Variants in ATG10 observed in about 807,000 individuals in gnomAD.
The protein encoded by ATG10 is ubiquitin-like-conjugating enzyme ATG10.
In ATG10, 30 loss-of-function variants were observed where a neutral mutation model predicts 32.1. That is an observed-to-expected ratio of 0.94 (90% CI 0.70 to 1.27). The LOEUF (loss-of-function observed/expected upper bound fraction) is 1.27, where lower values mean the gene tolerates loss of function less well. ATG10 is among the 50% of genes most tolerant of loss of function. ATG10 has a pLI of 0.00. For missense variants in ATG10, 233 were observed against 262.3 expected (o/e 0.89, Z 0.77); for synonymous variants, 87 against 91.5 (o/e 0.95, Z 0.28).
chr5:82,193,622 G>A (rs1358944933), intron 5 of ATG10, among the ~76,000 whole-genome samples: 1 of 152,134 alleles, frequency 6.6e-6, no homozygotes, highest in Non-Finnish European at 1.5e-5. Flanking sequence ...GTCTTCATGC[G>A]ATCAAATTAA....
rs1029709369 is a variant in ATG10 at position 82,253,622 on chromosome 5, C to T, written c.*4+193C>T. ...GATCCCCAAATCCCAGGCCATGGAC[C>T]GGAACCAGGCCTCACAGCAGGAGGT... On this transcript the variant is annotated intron_variant, in intron 7 of 7. Coordinates refer to ENST00000282185, the MANE Select transcript of ATG10 (RefSeq NM_031482.5). 1.4e-4 allele frequency among the ~76,000 whole-genome samples: 21 copies of T among 152,290 alleles called. 1 individual carries two copies. Among genetic ancestry groups the T allele is most frequent in the African/African-American group, 3.8e-4 (16 of 41,568 alleles).
chr5:82,164,967 A>G (rs916130038), intron 4 of ATG10, among the ~76,000 whole-genome samples: 1 of 152,258 alleles, frequency 6.6e-6, no homozygotes, highest in Non-Finnish European at 1.5e-5. Flanking sequence ...ATGTTTATCA[A>G]TTAGCTTAAG....
chr5:82,098,592 G>C (rs1016884538), intron 3 of ATG10, among the ~76,000 whole-genome samples: 19 of 152,190 alleles, frequency 1.2e-4, no homozygotes, highest in Non-Finnish European at 1.6e-4. Flanking sequence ...TTACAGGCGT[G>C]AGCCACTGTG....
intron 3 of ATG10, among the ~76,000 whole-genome samples, chr5:82,107,340 G>A (rs1448898915): frequency 6.6e-6 from 1 of 151,998 alleles, no homozygotes; most frequent in African/African-American, 2.4e-5. Flanking sequence ...TTACATGTAG[G>A]ATTATTTCCA....
chr5:82,163,941 T>G (rs1743470875), intron 3 of ATG10, among the ~76,000 whole-genome samples: 1 of 152,180 alleles, frequency 6.6e-6, no homozygotes, highest in African/African-American at 2.4e-5. Flanking sequence ...AAAATGGAAC[T>G]GGGAATTGTT....
intron 5 of ATG10, among the ~76,000 whole-genome samples, chr5:82,189,868 A>G (rs1402174199): frequency 6.6e-6 from 1 of 152,096 alleles, no homozygotes; most frequent in Non-Finnish European, 1.5e-5. Flanking sequence ...CAAATGTTCC[A>G]TCTGCCTTGG....
At chr5:82,098,421 C>G (rs962633053) in intron 3 of ATG10, among the ~76,000 whole-genome samples, 2 of 148,614 alleles carry the variant, frequency 1.3e-5, no homozygotes, top group Non-Finnish European at 3.0e-5. Flanking sequence ...AAGCAGTTCT[C>G]TGCCTCAGCC....
rs1279649290 is a variant in ATG10 at position 82,009,900 on chromosome 5, C to T, written c.108+22222C>T. On this transcript the variant is annotated intron_variant, in intron 2 of 7. Coordinates refer to ENST00000282185, the MANE Select transcript of ATG10 (RefSeq NM_031482.5). ...AGTGCCATTATGGCGTGTGAAGTCA[C>T]CACCCTGACACATAAACCCTGGAAT... The T allele has an allele frequency of 3.7e-6, 6 of 1,610,484 alleles. No individual in the cohort carries two copies. In the East Asian group the frequency reaches 8.9e-5, roughly 24 times the overall value.
chr5:82,240,369 A>G (rs906565629), intron 5 of ATG10, among the ~76,000 whole-genome samples: 3 of 152,274 alleles, frequency 2.0e-5, no homozygotes, highest in East Asian at 1.9e-4. Flanking sequence ...TTGCAATAAC[A>G]TGGATGGAAC....
At chr5:81,981,715 C>T (rs73766480) in intron 1 of ATG10, among the ~76,000 whole-genome samples, 9,986 of 152,130 alleles carry the variant, frequency 0.066, 1,096 homozygotes, top group African/African-American at 0.23. Flanking sequence ...GTGTTTTAGT[C>T]CTATTATGAC....
chr5:82,218,111 A>C (rs941375431), intron 5 of ATG10, among the ~76,000 whole-genome samples: 3 of 151,298 alleles, frequency 2.0e-5, no homozygotes, highest in African/African-American at 7.3e-5. Flanking sequence ...AATTATTTTA[A>C]CCTATCAGTT....
intron 5 of ATG10, among the ~76,000 whole-genome samples, chr5:82,229,859 T>C (rs1303270202): frequency 6.6e-6 from 1 of 152,124 alleles, no homozygotes; most frequent in African/African-American, 2.4e-5. Context: ...CTGGAACCAT[T>C]CCCTGTGAAT....
chr5:82,139,131 C>A (rs1190959672), intron 3 of ATG10, among the ~76,000 whole-genome samples: 1 of 145,470 alleles, frequency 6.9e-6, no homozygotes, highest in African/African-American at 2.6e-5. Flanking sequence ...GACGGAGTCT[C>A]GTTCACTCAG....
At chr5:82,031,079 A>AT (rs1251062461) in intron 2 of ATG10, among the ~76,000 whole-genome samples, 3 of 151,878 alleles carry the variant, frequency 2.0e-5, no homozygotes, top group Non-Finnish European at 4.4e-5. Context: ...TTTTATTTTT[A>AT]TTTTTTGAGA....
chr5:82,046,981 GTT>G (rs74617859), intron 2 of ATG10, among the ~76,000 whole-genome samples: 3 of 137,930 alleles, frequency 2.2e-5, no homozygotes, highest in Non-Finnish European at 1.6e-5. Context: ...GGTCATCTGT[GTT>G]TTTTTTTTTT....
chr5:82,204,235 T>C (rs1214445696), intron 5 of ATG10, among the ~76,000 whole-genome samples: 1 of 152,182 alleles, frequency 6.6e-6, no homozygotes, highest in Non-Finnish European at 1.5e-5. Context: ...TTTAACCTCA[T>C]ATTTTGCTTT....
chr5:82,156,504 T>G (rs1328334393), intron 3 of ATG10, among the ~76,000 whole-genome samples: 2 of 152,146 alleles, frequency 1.3e-5, no homozygotes, highest in African/African-American at 4.8e-5. Context: ...AGGCTTAGTT[T>G]TGTGCCCTGG....
At chr5:82,053,457 G>A (rs1383896188) in intron 2 of ATG10, among the ~76,000 whole-genome samples, 1 of 18,776 alleles carries the variant, frequency 5.3e-5, no homozygotes, top group Admixed American at 9.4e-4. Flanking sequence ...TTGACTTTAT[G>A]GTGTTAAGAA....
intron 4 of ATG10, 25 bp from the exon 5 acceptor site, chr5:82,178,465 C>T: frequency 7.2e-7 from 1 of 1,391,046 alleles, no homozygotes; most frequent in Non-Finnish European, 1.0e-6. Context: ...ATTACTAACT[C>T]AGTCTTTACC....
Sources: gnomAD v4.1 joint callset for allele counts (sites outside exome capture counted in the v4.1 genomes callset) on GRCh38, gnomAD v4.1.1 for gene constraint, MANE v1.5 for transcripts, NCBI Gene and HGNC (gene_info 2026-07-23, HGNC 2026-07-21) for gene names.